Variants in KIF20B observed in about 807,000 individuals in gnomAD.
The protein encoded by KIF20B is kinesin-like protein KIF20B.
In KIF20B, 188 loss-of-function variants were observed where a neutral mutation model predicts 232.5. That is an observed-to-expected ratio of 0.81 (90% CI 0.72 to 0.91). The LOEUF is 0.91. Among genes scored for constraint, KIF20B ranks in the 40% least tolerant of loss-of-function variants. The pLI is 0.00. For synonymous variants in KIF20B, 712 were observed against 683.0 expected (o/e 1.04, Z -0.66); for missense variants, 2,154 against 2,055.9 (o/e 1.05, Z -0.92).
rs1369333142 is a variant in KIF20B at position 89,751,447 on chromosome 10, G to C, written c.4198G>C (p.Glu1400Gln). 4.4e-6 allele frequency: 7 copies of C among 1,607,132 alleles called. No individual in the cohort carries two copies. The highest frequency in any genetic ancestry group is 1.7e-5 in the Admixed American group (1 of 59,024). ...GGATCAAGTGCTTGAGGCTAAATTAGAGGAAGTTGAAAGGCTGGCCACAGG... is the reference window on the plus strand; with the variant it reads ...GGATCAAGTGCTTGAGGCTAAATTACAGGAAGTTGAAAGGCTGGCCACAGG... ...EQDQVLEAKL[E>Q]EVERLATELE... is the part of the protein sequence containing the mutation. The change falls in exon 24 of 33, where the codon GAG becomes CAG. Residue 1400 changes from glutamate (E) to glutamine (Q), a missense_variant. By Grantham distance (29) the Glu-to-Gln change is conservative (BLOSUM62 2). Transcript: ENST00000371728.
chr10:89,759,996 A>G (rs1052679468), intron 27 of KIF20B, among the ~76,000 whole-genome samples: 1 of 152,136 alleles, frequency 6.6e-6, no homozygotes, highest in African/African-American at 2.4e-5. Context: ...AAATAGGAGG[A>G]AGAATGTGCT....
rs765514704 is a variant in KIF20B, at chr10:89,737,399, T to C, written c.2558T>C (p.Val853Ala). The change falls in exon 20 of 33, where the codon GTT (valine) becomes GCT (alanine). Residue 853 changes from valine to alanine, a missense_variant. By Grantham distance (64) the Val-to-Ala change is moderately conservative (BLOSUM62 0). Transcript: ENST00000371728. ...CTTATTTTTAAAGGGTCTATCCATGTTAGTTCAGCTATCACTGAAGACCAA... is the reference window on the plus strand; with the variant it reads ...CTTATTTTTAAAGGGTCTATCCATGCTAGTTCAGCTATCACTGAAGACCAA... ...EPPAKKGSIH[V>A]SSAITEDQKK... The C allele has an allele frequency of 4.4e-6, 7 of 1,573,736 alleles. No individual in the cohort carries two copies. The Admixed American group carries it at 1.4e-4, about 32-fold the overall frequency.
At position 89,738,652 on chromosome 10, in the gene KIF20B, C is replaced by G. The variant is rs191037992; in HGVS notation, c.3776+35C>G. Reference sequence around the variant, plus strand: ...ATGTTATTCAAAATATTTTAAAATACACAAAGCATTCATTTTGCTATGCAG... The same window carrying G: ...ATGTTATTCAAAATATTTTAAAATAGACAAAGCATTCATTTTGCTATGCAG... On this transcript the variant is annotated intron_variant, in intron 20 of 32. Transcript: ENST00000371728. 6,216 of 1,509,286 alleles carry G rather than the reference C, an allele frequency of 4.1e-3. 168 individuals are homozygous for G. In the Admixed American group the frequency reaches 0.081, roughly 20 times the overall value. 93.5% of individuals were successfully genotyped at this position (1,509,286 alleles called of 1,614,324 possible). A position where few individuals can be genotyped will look rare whatever the true frequency, so the allele number is the denominator to read the frequency against.
rs533422275 is a variant in KIF20B at position 89,770,329 on chromosome 10, A to G, written c.5242+1441A>G. Among the ~76,000 whole-genome samples, 3 of 152,154 alleles carry G rather than the reference A, an allele frequency of 2.0e-5. 1 individual carries two copies. In the South Asian group the frequency reaches 6.2e-4, roughly 32 times the overall value. ...CAGACCCATTTGTATATTTACATAC[A>G]TTTAAAAAAATATGTACATTTAAAA... is the stretch of plus-strand genomic sequence containing the variant. On this transcript the variant is annotated intron_variant, in intron 31 of 32. Coordinates refer to ENST00000371728, the MANE Select transcript of KIF20B (RefSeq NM_001284259.2).
intron 23 of KIF20B, 30 bp downstream of exon 23, chr10:89,745,989 A>G: frequency 6.5e-7 from 1 of 1,548,572 alleles, no homozygotes; most frequent in Non-Finnish European, 8.9e-7. Flanking sequence ...TTCTGGAACC[A>G]GAAAAGTTCT....
intron 7 of KIF20B, among the ~76,000 whole-genome samples, chr10:89,714,413 G>A (rs571552822): frequency 6.6e-6 from 1 of 152,214 alleles, no homozygotes; most frequent in African/African-American, 2.4e-5. Context: ...AGGAGGTGGA[G>A]GTTGCAGTGA....
At chr10:89,712,605 G>GT (rs923698230) in intron 6 of KIF20B, among the ~76,000 whole-genome samples, 2 of 151,776 alleles carry the variant, frequency 1.3e-5, no homozygotes, top group African/African-American at 2.4e-5. Flanking sequence ...TAAGTCATCT[G>GT]TTTTTTTTCC....
intron 2 of KIF20B, among the ~76,000 whole-genome samples, chr10:89,705,815 A>G (rs1842710762): frequency 6.6e-6 from 1 of 152,190 alleles, no homozygotes; most frequent in Admixed American, 6.5e-5. Flanking sequence ...TGACTCCTGG[A>G]TTGGCATGAT....
rs368209337 is a variant in KIF20B at position 89,712,906 on chromosome 10, C to T, written c.676-1141C>T. Among the ~76,000 whole-genome samples, 4 of 151,978 alleles carry T rather than the reference C, an allele frequency of 2.6e-5. No homozygotes were observed. The South Asian group carries it at 8.3e-4, about 32-fold the overall frequency. ...TTTTCTTTTTTAAAACATTTAGAAA[C>T]CAGGGTTTTAAGGCAGTAAAAAGTG... On this transcript the variant is annotated intron_variant, in intron 6 of 32. Coordinates refer to ENST00000371728, the MANE Select transcript of KIF20B (RefSeq NM_001284259.2).
intron 13 of KIF20B, among the ~76,000 whole-genome samples, chr10:89,722,641 C>T (rs1843089067): frequency 6.6e-6 from 1 of 152,092 alleles, no homozygotes; most frequent in African/African-American, 2.4e-5. Context: ...TGCACTCCAG[C>T]CTGGGCGACA....
Position 89,709,061 on chromosome 10 carries a change from T to G in KIF20B, c.148-106T>G. On this transcript the variant is annotated intron_variant, in intron 2 of 32. Transcript: ENST00000371728. Reference sequence around the variant, plus strand: ...AGGATAGTGACTGCTTAGAAATTCTTTATCATCTCAGATTATTATGTAAAA... The same window carrying G: ...AGGATAGTGACTGCTTAGAAATTCTGTATCATCTCAGATTATTATGTAAAA... 5.3e-6 allele frequency: 4 copies of G among 751,768 alleles called. No homozygotes were observed. In the South Asian group the frequency reaches 6.4e-5, roughly 12 times the overall value. 46.6% of individuals were successfully genotyped at this position (751,768 alleles called of 1,614,324 possible).
chr10:89,710,164 G>T (rs1842807800), intron 5 of KIF20B, 99 bp downstream of exon 5: 8 of 1,000,710 alleles, frequency 8.0e-6, no homozygotes, highest in South Asian at 2.0e-5. Flanking sequence ...CTATTACCTA[G>T]TATGCGTTTG....
chr10:89,705,553 G>T, intron 2 of KIF20B, 112 bp downstream of exon 2: 1 of 871,828 alleles, frequency 1.1e-6, no homozygotes, highest in East Asian at 2.8e-5. Flanking sequence ...TACAAGCTAA[G>T]AATTGTTTTT....
intron 24 of KIF20B, among the ~76,000 whole-genome samples, 180 bp downstream of exon 24, chr10:89,751,651 A>G (rs1842024880): frequency 7.1e-6 from 1 of 140,090 alleles, no homozygotes; most frequent in African/African-American, 2.8e-5. Flanking sequence ...TTGTTTCACT[A>G]AAATTATATG....
chr10:89,754,732 A>G (rs1281550280), intron 26 of KIF20B, 59 bp downstream of exon 26: 1 of 1,259,052 alleles, frequency 7.9e-7, no homozygotes, highest in African/African-American at 1.5e-5. Flanking sequence ...TGTTAAATGT[A>G]TTGCTGGAAT....
Position 89,725,006 on chromosome 10 carries a change from T to G in KIF20B, c.1863-14T>G. ...GTTTTCTGTTTCTTAATGGGATTAA[T>G]TTGTATTTTGAAGGGAGACTCTGCT... On this transcript the variant is annotated splice_polypyrimidine_tract_variant and intron_variant, in intron 14 of 32. Coordinates refer to ENST00000371728, the MANE Select transcript of KIF20B (RefSeq NM_001284259.2). 1 of 1,610,088 alleles carries G rather than the reference T, an allele frequency of 6.2e-7. No individual in the cohort carries two copies. Among genetic ancestry groups the G allele is most frequent in the Non-Finnish European group, 8.5e-7 (1 of 1,177,804 alleles).
intron 13 of KIF20B, among the ~76,000 whole-genome samples, chr10:89,720,248 G>T (rs991067072): frequency 6.6e-6 from 1 of 152,026 alleles, no homozygotes; most frequent in Non-Finnish European, 1.5e-5. Flanking sequence ...TGAAAAGTGG[G>T]TCCTAGTTTT....
intron 24 of KIF20B, 70 bp downstream of exon 24, chr10:89,751,541 C>G (rs887669706): frequency 1.4e-6 from 2 of 1,445,494 alleles, no homozygotes; most frequent in East Asian, 4.7e-5. Context: ...TAGATTTCTT[C>G]CCTTGTTAAA....
At chr10:89,756,180 C>T (rs879799190) in intron 26 of KIF20B, among the ~76,000 whole-genome samples, 6 of 152,026 alleles carry the variant, frequency 3.9e-5, no homozygotes, top group Non-Finnish European at 8.8e-5. Flanking sequence ...TAAATTTGCT[C>T]CCATAAAAAA....
Sources: allele counts gnomAD v4.1 joint callset (sites outside exome capture counted in the v4.1 genomes callset), GRCh38; gene constraint gnomAD v4.1.1; transcripts MANE v1.5; gene names NCBI Gene and HGNC (gene_info 2026-07-23, HGNC 2026-07-21).